FAM107A: variants seen among roughly 807,000 people sequenced by gnomAD.
The protein encoded by FAM107A is actin-associated protein FAM107A.
FAM107A carries 19 observed loss-of-function variants against 13.7 expected under a neutral mutation model. The observed-to-expected ratio is 1.38, with a 90% CI of 0.97 to 2.03. The LOEUF is 2.03. FAM107A is among the 30% of genes most tolerant of loss of function. FAM107A has a pLI of 0.00. For synonymous variants in FAM107A, 82 were observed against 74.5 expected (o/e 1.10, Z -0.52); for missense variants, 203 against 184.4 (o/e 1.10, Z -0.58).
At chr3:58,577,877 A>G (rs953667060), upstream of FAM107A, 15 of 220,354 alleles carry the variant, frequency 6.8e-5, no homozygotes, top group African/African-American at 2.8e-4. The surrounding 1 kb of genome is among the most constrained non-coding windows in gnomAD (Gnocchi z 4.9). Context: ...ATGGGTCAGA[A>G]ACTCCGTACA....
chr3:58,589,679 T>C (rs1559481402), upstream of FAM107A, among the ~76,000 whole-genome samples: 1 of 152,186 alleles, frequency 6.6e-6, no homozygotes, highest in Non-Finnish European at 1.5e-5. Flanking sequence ...ATTGATGCAT[T>C]ATTACTAACT....
intron 1 of FAM107A, among the ~76,000 whole-genome samples, chr3:58,575,941 C>T (rs188279112): frequency 1.3e-5 from 2 of 152,340 alleles, no homozygotes; most frequent in East Asian, 3.9e-4. Flanking sequence ...CATTCAGAAC[C>T]CTCTTGGTTC....
chr3:58,601,976 T>C (rs998705663), intron 1 of FAM107A, among the ~76,000 whole-genome samples: 4 of 152,080 alleles, frequency 2.6e-5, no homozygotes, highest in Non-Finnish European at 5.9e-5. Flanking sequence ...ACTGGATCCC[T>C]ACTAATCCCA....
At chr3:58,589,973 C>G (rs1259669702), upstream of FAM107A, among the ~76,000 whole-genome samples, 5 of 152,200 alleles carry the variant, frequency 3.3e-5, no homozygotes, top group African/African-American at 9.7e-5. Context: ...AGGGCCAAGT[C>G]AGAAGGCTTC....
upstream of FAM107A, among the ~76,000 whole-genome samples, chr3:58,580,716 A>AT (rs780870215): frequency 2.6e-5 from 4 of 152,044 alleles, no homozygotes; most frequent in Non-Finnish European, 4.4e-5. Flanking sequence ...TGGAATCTGG[A>AT]TTTTAAACAT....
chr3:58,611,276 A>G (rs944881736), intron 1 of FAM107A, among the ~76,000 whole-genome samples: 2 of 144,574 alleles, frequency 1.4e-5, no homozygotes, highest in Non-Finnish European at 3.1e-5. Flanking sequence ...AGGCCCTGCC[A>G]GGGGCCCCCA....
chr3:58,622,096 G>A (rs1413023471), intron 1 of FAM107A, among the ~76,000 whole-genome samples: 1 of 152,236 alleles, frequency 6.6e-6, no homozygotes, highest in African/African-American at 2.4e-5. Flanking sequence ...CACCCAAGAA[G>A]TGGGTACAGC....
Position 58,604,769 on chromosome 3 carries a change from C to T in FAM107A, c.-69-15500G>A, listed in dbSNP as rs939952504. The stretch of plus-strand genomic sequence containing the variant: ...CAGGGTCTTCATCTACTAACTCTGA[C>T]CTCCAGACCATCTTGGAGTTAGTTT... On this transcript the variant is annotated intron_variant, in intron 1 of 3. Coordinates refer to the FAM107A transcript ENST00000465970. This position sits in a 1 kb window ranked among gnomAD's most constrained non-coding sequence, Gnocchi z 4.1. Among the ~76,000 whole-genome samples, 1 of 152,176 alleles carries T rather than the reference C, an allele frequency of 6.6e-6. No homozygotes were observed. The highest frequency in any genetic ancestry group is 1.5e-5 in the Non-Finnish European group (1 of 68,022).
chr3:58,598,181 G>A (rs1024981531), intron 1 of FAM107A, among the ~76,000 whole-genome samples: 3 of 152,276 alleles, frequency 2.0e-5, no homozygotes, highest in Admixed American at 6.5e-5. Flanking sequence ...GTGAGGTGAC[G>A]CCTGCCACCT....
chr3:58,626,896 T>A, intron 1 of FAM107A: 1 of 1,441,888 alleles, frequency 6.9e-7, no homozygotes, highest in African/African-American at 1.4e-5. Flanking sequence ...GGTAGGTGGG[T>A]CGGGGCTCCC....
intron 1 of FAM107A, among the ~76,000 whole-genome samples, chr3:58,611,374 C>A (rs946546016): frequency 1.3e-5 from 2 of 152,192 alleles, no homozygotes; most frequent in South Asian, 4.1e-4. Context: ...GAGAGGGTGT[C>A]ATTATGAACA....
upstream of FAM107A, among the ~76,000 whole-genome samples, chr3:58,579,764 G>C (rs928057306): frequency 1.3e-5 from 2 of 152,164 alleles, no homozygotes; most frequent in Admixed American, 6.5e-5. Context: ...ACACTTCAGA[G>C]GAACACGCAC....
upstream of FAM107A, among the ~76,000 whole-genome samples, chr3:58,580,443 C>T (rs1319707370): frequency 8.0e-6 from 1 of 125,496 alleles, no homozygotes; most frequent in African/African-American, 3.1e-5. Flanking sequence ...TGAGACAGAG[C>T]ATTACTCTGT....
At chr3:58,570,637 A>AGAGAGAGAGAGAGAGAG (rs1379854712) in intron 1 of FAM107A, among the ~76,000 whole-genome samples, 1 of 87,132 alleles carries the variant, frequency 1.1e-5, no homozygotes, top group Non-Finnish European at 2.5e-5. Flanking sequence ...GAGAGAGAGA[A>AGAGAGAGAGAGAGAGAG]AGAGACTGAC....
At position 58,604,118 on chromosome 3, in the gene FAM107A, A is replaced by C. The variant is rs1181544106; in HGVS notation, c.-69-14849T>G. Among the ~76,000 whole-genome samples the C allele has an allele frequency of 6.6e-6, 1 of 151,512 alleles. No individual in the cohort carries two copies. The highest frequency in any genetic ancestry group is 1.5e-5 in the Non-Finnish European group (1 of 67,950). On this transcript the variant is annotated intron_variant, in intron 1 of 3. Transcript: ENST00000465970. The surrounding 1 kb of genome is among the most constrained non-coding windows in gnomAD (Gnocchi z 4.1). ...TGAGCAGTTTCCACCTGGGCTTTTGAAGGAGGGAGCCACAAAAAGCCTTTG... is the reference window on the plus strand; with the variant it reads ...TGAGCAGTTTCCACCTGGGCTTTTGCAGGAGGGAGCCACAAAAAGCCTTTG...
Position 58,566,283 on chromosome 3 carries a change from C to T in FAM107A, c.*305G>A, listed in dbSNP as rs573257885. On this transcript the variant is annotated 3_prime_UTR_variant, in exon 4 of 4. Transcript: ENST00000360997. ...ACAGAAGGCTTGTCAAGTCAGAGGG[C>T]CACCTCTTCCTCCTCAATTCTGCCA... is the stretch of plus-strand genomic sequence containing the variant. 9 of 314,832 alleles carry T rather than the reference C, an allele frequency of 2.9e-5. No individual in the cohort carries two copies. Among genetic ancestry groups the T allele is most frequent in the Admixed American group, 2.4e-4 (5 of 20,430 alleles). The allele number at this position is 314,832 out of a possible 1,614,324, so 19.5% of individuals were successfully genotyped here.
chr3:58,590,637 G>A (rs140275730), upstream of FAM107A, among the ~76,000 whole-genome samples: 1,475 of 152,258 alleles, frequency 9.7e-3, 22 homozygotes, highest in South Asian at 0.049. Flanking sequence ...GGCAGCAGGA[G>A]AGACAGAGAG....
At chr3:58,588,852 T>A (rs190822747), upstream of FAM107A, among the ~76,000 whole-genome samples, 162 of 151,928 alleles carry the variant, frequency 1.1e-3, no homozygotes, top group African/African-American at 3.8e-3. Context: ...AGAGAAGGGG[T>A]TTTGCCATGT....
At position 58,569,788 on chromosome 3, in the gene FAM107A, T is replaced by G; in HGVS notation, c.73A>C (p.Asn25His). 2 of 1,614,118 alleles carry G rather than the reference T, an allele frequency of 1.2e-6. No individual in the cohort carries two copies. Among genetic ancestry groups the G allele is most frequent in the Non-Finnish European group, 1.7e-6 (2 of 1,180,006 alleles). ...TTCTTGGGCTTGATGAGCTCCGGATTCCACTCTCTGTATTCTGGCCGGGCC... is the reference window on the plus strand; with the variant it reads ...TTCTTGGGCTTGATGAGCTCCGGATGCCACTCTCTGTATTCTGGCCGGGCC... ...LMARPEYREWNPELIKPKKLL... is the reference protein window; with the variant it reads ...LMARPEYREWHPELIKPKKLL... The change falls in exon 2 of 4, where the codon AAT (asparagine) becomes CAT (histidine). Residue 25 changes from asparagine to histidine, a missense_variant. By Grantham distance (68) the Asn-to-His change is moderately conservative (BLOSUM62 1). Transcript: ENST00000360997. This position sits in a 1 kb window ranked among gnomAD's most constrained non-coding sequence, Gnocchi z 5.7.
Sources: gnomAD v4.1 joint callset for allele counts (sites outside exome capture counted in the v4.1 genomes callset) on GRCh38, gnomAD v4.1.1 for gene constraint, Gnocchi (gnomAD v3.1) non-coding constraint, MANE v1.5 for transcripts, NCBI Gene and HGNC (gene_info 2026-07-23, HGNC 2026-07-21) for gene names.